KLF12: variants seen among roughly 807,000 people sequenced by gnomAD.
The protein encoded by KLF12 is Krueppel-like factor 12.
In KLF12, 9 loss-of-function variants were observed where a neutral mutation model predicts 37.8. The observed-to-expected ratio is 0.24, with a 90% CI of 0.14 to 0.42. The LOEUF is 0.42. KLF12 is among the 10% of genes least tolerant of loss of function. The pLI is 1.00. For missense variants in KLF12, 411 were observed against 516.0 expected, an observed-to-expected ratio of 0.80 and a Z score of 1.97; for synonymous variants, 208 against 202.1, an observed-to-expected ratio of 1.03 and a Z score of -0.25.
intron 1 of KLF12, among the ~76,000 whole-genome samples, chr13:74,029,984 T>C (rs1469583688): frequency 6.6e-6 from 1 of 152,140 alleles, no homozygotes; most frequent in Non-Finnish European, 1.5e-5. Context: ...TAAAGTTCTG[T>C]ATTTTCTTAT....
intron 5 of KLF12, among the ~76,000 whole-genome samples, chr13:73,797,606 C>T (rs1281006404): frequency 6.6e-6 from 1 of 151,780 alleles, no homozygotes; most frequent in Non-Finnish European, 1.5e-5. Context: ...CCCATTTCTA[C>T]AAAAATTTAA....
intron 4 of KLF12, among the ~76,000 whole-genome samples, chr13:73,832,563 A>C (rs1340643295): frequency 2.0e-5 from 3 of 152,226 alleles, no homozygotes; most frequent in African/African-American, 7.2e-5. Context: ...TAAACACAGA[A>C]CACTGGAAAC....
At chr13:74,042,885 T>C (rs980876516) in intron 1 of KLF12, among the ~76,000 whole-genome samples, 6 of 152,296 alleles carry the variant, frequency 3.9e-5, no homozygotes, top group Admixed American at 2.0e-4. Context: ...GCAAGAAGCC[T>C]TTCTAGTACC....
chr13:74,161,741 G>A, the KLF12 span, among the ~76,000 whole-genome samples: 1 of 152,070 alleles, frequency 6.6e-6, no homozygotes, highest in African/African-American at 2.4e-5. Flanking sequence ...TGGAAATATG[G>A]GCTGCATGTT....
At chr13:73,760,106 GA>G (rs936651788) in intron 6 of KLF12, among the ~76,000 whole-genome samples, 4 of 151,978 alleles carry the variant, frequency 2.6e-5, no homozygotes, top group African/African-American at 9.7e-5. Flanking sequence ...TTGTGACACA[GA>G]ACTTTTTCAC....
At position 73,905,937 on chromosome 13, in the gene KLF12, T is replaced by C. The variant is rs547584889; in HGVS notation, c.123+38044A>G. ...CTTCTCCATGCCTGTGTTGTAATCATAAAAACCTAGAATGCAAATGGCTGT... is the reference window on the plus strand; with the variant it reads ...CTTCTCCATGCCTGTGTTGTAATCACAAAAACCTAGAATGCAAATGGCTGT... On this transcript the variant is annotated intron_variant, in intron 3 of 7. Transcript: ENST00000377669. Among the ~76,000 whole-genome samples, 10 of 152,296 alleles carry C rather than the reference T, an allele frequency of 6.6e-5. No homozygotes were observed. In the East Asian group the frequency reaches 1.7e-3, roughly 26 times the overall value.
chr13:74,141,066 C>T, the KLF12 span, among the ~76,000 whole-genome samples: 113 of 144,318 alleles, frequency 7.8e-4, 1 homozygote, highest in Middle Eastern at 3.5e-3. Flanking sequence ...CTGTCTCAAA[C>T]AAAAAAAAAA....
the KLF12 span, among the ~76,000 whole-genome samples, chr13:74,271,250 A>G: frequency 6.6e-6 from 1 of 152,170 alleles, no homozygotes; most frequent in African/African-American, 2.4e-5. Context: ...CCCTGATGCC[A>G]AAAAGGTTTG....
chr13:73,848,634 C>G (rs765809150), intron 3 of KLF12, among the ~76,000 whole-genome samples: 1 of 149,508 alleles, frequency 6.7e-6, no homozygotes, highest in Non-Finnish European at 1.5e-5. Flanking sequence ...TATATTTTAG[C>G]TAATGCATAT....
chr13:73,967,169 C>T (rs1206024432), intron 2 of KLF12, among the ~76,000 whole-genome samples: 2 of 152,082 alleles, frequency 1.3e-5, no homozygotes, highest in Non-Finnish European at 2.9e-5. Flanking sequence ...TTTCCTGGCC[C>T]ATGAGAAAGA....
At chr13:73,955,063 T>C (rs1890790230) in intron 2 of KLF12, among the ~76,000 whole-genome samples, 2 of 152,216 alleles carry the variant, frequency 1.3e-5, no homozygotes, top group African/African-American at 4.8e-5. Context: ...TCAGTTTTCT[T>C]ATCTGTAAAG....
intron 4 of KLF12, among the ~76,000 whole-genome samples, chr13:73,823,249 G>A (rs1883634839): frequency 6.6e-6 from 1 of 151,242 alleles, no homozygotes; most frequent in African/African-American, 2.4e-5. Context: ...CCTAGTCTTA[G>A]GTACTTTAAA....
chr13:73,760,198 G>A (rs947554311), intron 6 of KLF12, among the ~76,000 whole-genome samples: 3 of 152,088 alleles, frequency 2.0e-5, no homozygotes, highest in Non-Finnish European at 4.4e-5. Context: ...GACTTTTTGT[G>A]TATATAGCTA....
At chr13:73,717,763 T>C (rs564352856) in intron 6 of KLF12, among the ~76,000 whole-genome samples, 2 of 152,288 alleles carry the variant, frequency 1.3e-5, no homozygotes, top group Non-Finnish European at 2.9e-5. Flanking sequence ...GAGTCTATCG[T>C]GAAAGGAGTC....
intron 6 of KLF12, among the ~76,000 whole-genome samples, chr13:73,732,746 A>G (rs953994373): frequency 6.6e-6 from 1 of 152,004 alleles, no homozygotes; most frequent in Non-Finnish European, 1.5e-5. Flanking sequence ...ATGTCACTCA[A>G]ATCTATTTCA....
At chr13:74,240,303 C>G in the KLF12 span, among the ~76,000 whole-genome samples, 1 of 133,778 alleles carries the variant, frequency 7.5e-6, no homozygotes, top group Non-Finnish European at 1.6e-5. Flanking sequence ...GGGTTTCTGC[C>G]GAGAGATCCG....
At chr13:73,727,653 C>T (rs1432053212) in intron 6 of KLF12, among the ~76,000 whole-genome samples, 1 of 151,998 alleles carries the variant, frequency 6.6e-6, no homozygotes, top group Admixed American at 6.6e-5. Flanking sequence ...TATTCTCCCC[C>T]CTCAGATTGT....
chr13:74,210,318 T>A, the KLF12 span, among the ~76,000 whole-genome samples: 4 of 152,306 alleles, frequency 2.6e-5, 1 homozygote, highest in South Asian at 8.3e-4. Context: ...TTTTAAATTT[T>A]AAAATTTTTT....
rs868122109 is a variant in KLF12 at position 74,130,218 on chromosome 13, T to G, written c.-32+3521A>C. ...GTACACAGTTAAAAGTTCAAAGCTG[T>G]GCATAAATTGCAGGCCGAAAAACAA... is the stretch of plus-strand genomic sequence containing the variant. On this transcript the variant is annotated intron_variant, in intron 1 of 7. Coordinates refer to ENST00000377669, the MANE Select transcript of KLF12 (RefSeq NM_007249.5). Among the ~76,000 whole-genome samples, 4 of 152,240 alleles carry G rather than the reference T, an allele frequency of 2.6e-5. No individual in the cohort carries two copies. In the South Asian group the frequency reaches 6.2e-4, roughly 24 times the overall value.
Sources: allele counts gnomAD v4.1 joint callset (sites outside exome capture counted in the v4.1 genomes callset), GRCh38; gene constraint gnomAD v4.1.1; transcripts MANE v1.5; gene names NCBI Gene and HGNC (gene_info 2026-07-23, HGNC 2026-07-21).